The following LAMA2 variants were observed in gnomAD, a reference collection of about 807,000 sequenced individuals.
The protein encoded by LAMA2 is laminin subunit alpha 2, also known as laminin subunit alpha-2.
In LAMA2, 269 loss-of-function variants were observed where a neutral mutation model predicts 364.8. That is an observed-to-expected ratio of 0.74 (90% CI 0.67 to 0.82). The LOEUF is 0.82. Ranked by LOEUF, LAMA2 falls within the 40% of genes least tolerant of loss-of-function variation. The pLI is 0.00. For missense variants in LAMA2, 3,807 were observed against 3,873.2 expected (o/e 0.98, Z 0.45); for synonymous variants, 1,379 against 1,370.6 (o/e 1.01, Z -0.14).
intron 1 of LAMA2, among the ~76,000 whole-genome samples, chr6:128,985,906 A>G (rs981637687): frequency 2.0e-5 from 3 of 152,160 alleles, no homozygotes; most frequent in Non-Finnish European, 4.4e-5. Flanking sequence ...TTTACTATAT[A>G]TTGGCTAGAA....
intron 1 of LAMA2, among the ~76,000 whole-genome samples, chr6:128,967,985 C>T (rs936321391): frequency 8.5e-5 from 13 of 152,102 alleles, no homozygotes; most frequent in African/African-American, 1.7e-4. Context: ...CTGTGCAAAT[C>T]GTGAGGGCCA....
intron 1 of LAMA2, among the ~76,000 whole-genome samples, chr6:128,924,661 G>A (rs1411145482): frequency 6.6e-6 from 1 of 152,088 alleles, no homozygotes; most frequent in East Asian, 1.9e-4. Flanking sequence ...TGTACAGGTA[G>A]CTAGGGTGCC....
intron 12 of LAMA2, among the ~76,000 whole-genome samples, chr6:129,196,929 A>G (rs555791709): frequency 6.6e-6 from 1 of 152,266 alleles, no homozygotes; most frequent in African/African-American, 2.4e-5. Context: ...GGGAATCCCA[A>G]AGAAACCTAA....
At chr6:129,345,182 C>T (rs1776476447) in intron 30 of LAMA2, among the ~76,000 whole-genome samples, 1 of 152,096 alleles carries the variant, frequency 6.6e-6, no homozygotes, top group African/African-American at 2.4e-5. Flanking sequence ...TTGATTTTGT[C>T]CCTGTCTTGT....
At chr6:129,082,742 C>T (rs1175138535) in intron 3 of LAMA2, among the ~76,000 whole-genome samples, 1 of 152,102 alleles carries the variant, frequency 6.6e-6, no homozygotes, top group Non-Finnish European at 1.5e-5. Context: ...CTAATTCCAA[C>T]TTTATTCGTG....
At chr6:129,364,421 T>C (rs559188387) in intron 32 of LAMA2, among the ~76,000 whole-genome samples, 2 of 152,344 alleles carry the variant, frequency 1.3e-5, no homozygotes, top group East Asian at 1.9e-4. Flanking sequence ...ATAGCATTGA[T>C]ACCTCTATCT....
At chr6:129,139,362 T>C (rs1168731308) in intron 4 of LAMA2, among the ~76,000 whole-genome samples, 1 of 152,154 alleles carries the variant, frequency 6.6e-6, no homozygotes, top group Admixed American at 6.6e-5. Context: ...GAAAAAAATC[T>C]GCATCTGTAC....
At chr6:129,386,194 G>T (rs1383523679) in intron 35 of LAMA2, among the ~76,000 whole-genome samples, 1 of 151,868 alleles carries the variant, frequency 6.6e-6, no homozygotes, top group East Asian at 1.9e-4. Context: ...AAATTCCAAA[G>T]ATACATCTTT....
Position 129,262,939 on chromosome 6 carries a change from A to G in LAMA2, c.2208+2117A>G, listed in dbSNP as rs140069743. 7.0e-4 allele frequency among the ~76,000 whole-genome samples: 107 copies of G among 152,256 alleles called. 2 individuals carry two copies. Among genetic ancestry groups the G allele is most frequent in the African/African-American group, 2.5e-3 (103 of 41,562 alleles). ...TTTGGGGCCATAGTGTTGATTCAGG[A>G]TCTTTTTTCTCATTTCTACTTGACT... On this transcript the variant is annotated intron_variant, in intron 15 of 64. Transcript: ENST00000421865.
At chr6:129,291,519 C>A (rs577205177) in intron 19 of LAMA2, 95 bp from the exon 20 acceptor site, 9 of 843,966 alleles carry the variant, frequency 1.1e-5, no homozygotes, top group Non-Finnish European at 1.6e-5. Flanking sequence ...TGAACTTAGG[C>A]GTCCATGTTA....
chr6:129,197,126 TAGC>T (rs1781897830), intron 12 of LAMA2, among the ~76,000 whole-genome samples: 2 of 152,170 alleles, frequency 1.3e-5, no homozygotes, highest in Non-Finnish European at 2.9e-5. Context: ...ACATAACAGA[TAGC>T]AGGCCCTAAA....
At chr6:129,067,488 C>A (rs1464835834) in intron 3 of LAMA2, among the ~76,000 whole-genome samples, 1 of 152,114 alleles carries the variant, frequency 6.6e-6, no homozygotes, top group Non-Finnish European at 1.5e-5. Context: ...TTTGTCTACC[C>A]TTTGGTCTGC....
chr6:129,258,573 C>T (rs1309738322), intron 14 of LAMA2, among the ~76,000 whole-genome samples: 1 of 151,914 alleles, frequency 6.6e-6, no homozygotes, highest in Non-Finnish European at 1.5e-5. Context: ...GATAAAATGT[C>T]TTAGAATTAG....
chr6:129,202,187 C>CAAAAAAAAAAAAAAA (rs776190977), intron 12 of LAMA2, among the ~76,000 whole-genome samples: 1 of 62,146 alleles, frequency 1.6e-5, no homozygotes, highest in Non-Finnish European at 3.1e-5. Context: ...GAGTCTGTCT[C>CAAAAAAAAAAAAAAA]AAAAAAAAAA....
At chr6:129,236,345 G>C (rs1419629158) in intron 12 of LAMA2, among the ~76,000 whole-genome samples, 1 of 152,018 alleles carries the variant, frequency 6.6e-6, no homozygotes, top group Non-Finnish European at 1.5e-5. Context: ...TTGTTCTTAA[G>C]AAACAAGTAT....
intron 3 of LAMA2, among the ~76,000 whole-genome samples, chr6:129,064,285 A>T (rs1387839294): frequency 6.6e-6 from 1 of 151,990 alleles, no homozygotes; most frequent in African/African-American, 2.4e-5. Context: ...TCTAAGAAGA[A>T]AGGCTATAGT....
intron 1 of LAMA2, among the ~76,000 whole-genome samples, chr6:128,887,468 TTTATA>T (rs1244591354): frequency 6.6e-6 from 1 of 151,974 alleles, no homozygotes. Context: ...TTATATAAAT[TTTATA>T]TTATGTTATA....
At chr6:129,174,002 T>A (rs1780394822) in intron 9 of LAMA2, among the ~76,000 whole-genome samples, 1 of 152,148 alleles carries the variant, frequency 6.6e-6, no homozygotes, top group Admixed American at 6.5e-5. Context: ...TTGCTTTGTG[T>A]CTCACTACTG....
intron 12 of LAMA2, among the ~76,000 whole-genome samples, chr6:129,214,597 C>T (rs1180673459): frequency 2.6e-5 from 4 of 152,094 alleles, no homozygotes; most frequent in Non-Finnish European, 2.9e-5. Flanking sequence ...CATATTCATG[C>T]GGGTGTATTT....
Sources: allele counts gnomAD v4.1 joint callset (sites outside exome capture counted in the v4.1 genomes callset), GRCh38; gene constraint gnomAD v4.1.1; transcripts MANE v1.5; gene names NCBI Gene and HGNC (gene_info 2026-07-23, HGNC 2026-07-21).